The following NFRKB variants were observed in gnomAD, a reference collection of about 807,000 sequenced individuals.
NFRKB encodes nuclear factor related to kappaB binding protein.
A neutral mutation model predicts 135.7 loss-of-function variants in NFRKB; 62 were observed. The observed-to-expected ratio is 0.46, with a 90% CI of 0.37 to 0.56. The LOEUF is 0.56. Among genes scored for constraint, NFRKB ranks in the 20% least tolerant of loss-of-function variants. The probability of loss-of-function intolerance (pLI) is 0.00; values close to 1 mark genes in which losing one functional copy is unlikely to be tolerated. For synonymous variants in NFRKB, 678 were observed against 635.6 expected (o/e 1.07, Z -1.00); for missense variants, 1,545 against 1,662.0 (o/e 0.93, Z 1.22).
chr11:129,888,847 T>C, intron 3 of NFRKB, 52 bp from the exon 4 acceptor site: 1 of 1,372,974 alleles, frequency 7.3e-7, no homozygotes, highest in Non-Finnish European at 1.0e-6. Context: ...TTGAGTTTTT[T>C]GTATGTATGC....
In NFRKB at chr11:129,881,788, C is replaced by T. The variant is rs747574542; in HGVS notation, c.1257G>A (p.Ala419=). ...PASSLNSWFS[A]APNWAELVLP... ...GTACCAACTCAGCCCAGTTGGGGGCCGCAGAGAACCAGCTGTTGAGGGAGC... is the reference window on the plus strand; with the variant it reads ...GTACCAACTCAGCCCAGTTGGGGGCTGCAGAGAACCAGCTGTTGAGGGAGC... The change falls in exon 12 of 27, where the codon GCG becomes GCA. Residue 419 remains alanine (A), a synonymous_variant. Transcript: ENST00000682444. 4.8e-5 allele frequency: 78 copies of T among 1,613,818 alleles called. No individual in the cohort carries two copies. Among genetic ancestry groups the T allele is most frequent in the South Asian group, 3.6e-4 (33 of 91,028 alleles).
At position 129,864,420 on chromosome 11, in the gene NFRKB, T is replaced by TG. The variant is rs1948093750; in HGVS notation, c.*304dup. On this transcript the variant is annotated 3_prime_UTR_variant, in exon 27 of 27. Coordinates refer to ENST00000682444, the MANE Select transcript of NFRKB (RefSeq NM_001143835.2). ...CACTCTGCAACTGGTAAGCCTTCCC[T>TG]GGGGGTCTTACTCTCAGAACTCTGG... 1 of 327,626 alleles carries TG rather than the reference T, an allele frequency of 3.1e-6. No individual in the cohort carries two copies. Among genetic ancestry groups the TG allele is most frequent in the African/African-American group, 2.1e-5 (1 of 47,660 alleles). 20.3% of individuals were successfully genotyped at this position (327,626 alleles called of 1,614,324 possible). A position where few individuals can be genotyped will look rare whatever the true frequency, so the allele number is the denominator to read the frequency against.
chr11:129,874,865 G>T lies in NFRKB; in HGVS notation c.1906C>A (p.Pro636Thr). 1 of 1,614,142 alleles carries T rather than the reference G, an allele frequency of 6.2e-7. No homozygotes were observed. The highest frequency in any genetic ancestry group is 8.5e-7 in the Non-Finnish European group (1 of 1,180,030). The change falls in exon 19 of 27, where the codon CCC becomes ACC. Residue 636 changes from proline (P) to threonine (T), a missense_variant. Transcript: ENST00000682444. This position sits in a 1 kb window ranked among gnomAD's most constrained non-coding sequence, Gnocchi z 4.5. The part of the protein sequence containing the change: ...ALDRLHYEKD[P>T]CVKYDIGRKL... ...CGTCCAATGTCGTATTTCACACAGG[G>T]ATCTTTTTCGTAATGTAGCCGATCC...
rs754106084 is a variant in NFRKB, at chr11:129,886,363, T to C, written c.419A>G (p.Gln140Arg). The C allele has an allele frequency of 4.5e-5, 72 of 1,614,054 alleles. No homozygotes were observed. The highest frequency in any genetic ancestry group is 5.9e-5 in the Non-Finnish European group (70 of 1,180,044). The change falls in exon 5 of 27, where the codon CAG becomes CGG. Residue 140 changes from glutamine (Q) to arginine (R), a missense_variant. This residue lies in a region of NFRKB where 678 missense variants were observed against 646.7 expected (regional missense o/e 1.05). Transcript: ENST00000682444. The part of the protein sequence containing the change: ...SQYKRYLNSQ[Q>R]QYFHRLLKQI... Reference sequence around the variant, plus strand: ...CTTCAGCAGCCGATGGAAATACTGCTGCTGGGAGTTGAGGTAGCGCTTGTA... The same window carrying C: ...CTTCAGCAGCCGATGGAAATACTGCCGCTGGGAGTTGAGGTAGCGCTTGTA...
In NFRKB at chr11:129,874,685, CTACCATCTTGTCCTACCTA is replaced by C; in HGVS notation, c.1978+89_1979-106del. ...CTTGCCAGTGGACTGAATCCTGCCT[CTACCATCTTGTCCTACCTA>C]TATGCCAATGAAAAGAATAATGGAA... On this transcript the variant is annotated intron_variant, in intron 19 of 26. Coordinates refer to ENST00000682444, the MANE Select transcript of NFRKB (RefSeq NM_001143835.2). This position sits in a 1 kb window ranked among gnomAD's most constrained non-coding sequence, Gnocchi z 4.5. The C allele has an allele frequency of 6.2e-7, 1 of 1,603,538 alleles. No individual in the cohort carries two copies. The highest frequency in any genetic ancestry group is 8.5e-7 in the Non-Finnish European group (1 of 1,172,366).
At chr11:129,879,342 T>C (rs1404800222) in intron 13 of NFRKB, among the ~76,000 whole-genome samples, 2 of 152,140 alleles carry the variant, frequency 1.3e-5, no homozygotes, top group Non-Finnish European at 2.9e-5. Context: ...TATCTGGCCC[T>C]ACAAGAAACA....
intron 23 of NFRKB, chr11:129,872,591 T>C: frequency 4.1e-6 from 1 of 242,732 alleles, no homozygotes; most frequent in African/African-American, 2.2e-5. Flanking sequence ...CAATAAAATG[T>C]GGCCATGGGA....
intron 15 of NFRKB, among the ~76,000 whole-genome samples, chr11:129,877,610 T>C (rs1488454319): frequency 5.3e-5 from 8 of 152,220 alleles, no homozygotes; most frequent in African/African-American, 1.4e-4. Flanking sequence ...ACTGGGTGGA[T>C]AGATGGACAA....
intron 12 of NFRKB, 105 bp from the exon 13 acceptor site, chr11:129,881,613 G>A: frequency 6.3e-7 from 1 of 1,586,718 alleles, no homozygotes; most frequent in Non-Finnish European, 8.6e-7. Flanking sequence ...AACCTTCAAG[G>A]CATAGCATTA....
chr11:129,869,952 T>C lies in NFRKB; in HGVS notation c.3073A>G (p.Lys1025Glu), dbSNP rs545725302. 1 of 1,614,264 alleles carries C rather than the reference T, an allele frequency of 6.2e-7. No homozygotes were observed. The highest frequency in any genetic ancestry group is 8.5e-7 in the Non-Finnish European group (1 of 1,180,042). The part of the protein sequence containing the change: ...NPVHAADSPA[K>E]ASSASAPSST... ...GAAGGGGCACTGGCTGAACTGGCCT[T>C]GGCAGGGCTATCAGCTGCATGTACT... The change falls in exon 24 of 27, where the codon AAG becomes GAG. Residue 1025 changes from lysine to glutamate, a missense_variant. Physicochemically the swap from Lys to Glu is moderately conservative, Grantham distance 56. This residue lies in a region of NFRKB where 753 missense variants were observed against 804.3 expected (regional missense o/e 0.94). Coordinates refer to ENST00000682444, the MANE Select transcript of NFRKB (RefSeq NM_001143835.2).
In NFRKB at chr11:129,869,668, A is replaced by T; in HGVS notation, c.3357T>A (p.Ser1119Arg). 1 of 1,614,190 alleles carries T rather than the reference A, an allele frequency of 6.2e-7. No homozygotes were observed. Among genetic ancestry groups the T allele is most frequent in the Middle Eastern group, 1.6e-4 (1 of 6,062 alleles). ...THAKQGASVA[S>R]GSGTVHTSAV... ...CTGAAGTATGGACAGTTCCAGACCC[A>T]CTGGCCACCGAGGCCCCTTGCTTGG... Residue 1119 changes from serine to arginine, a missense_variant, in exon 24 of 27, where the codon AGT becomes AGA. Physicochemically the swap from Ser to Arg is moderately radical, Grantham distance 110 (BLOSUM62 -1). This residue lies in a region of NFRKB where 753 missense variants were observed against 804.3 expected (regional missense o/e 0.94). Coordinates refer to ENST00000682444, the MANE Select transcript of NFRKB (RefSeq NM_001143835.2).
chr11:129,873,145 A>C (rs1481051475), intron 22 of NFRKB, 49 bp from the exon 23 acceptor site: 1 of 1,472,450 alleles, frequency 6.8e-7, no homozygotes, highest in South Asian at 1.3e-5. Flanking sequence ...TAAGATGCAG[A>C]CCAGCACTCT....
intron 25 of NFRKB, among the ~76,000 whole-genome samples, 169 bp downstream of exon 25, chr11:129,865,708 A>C (rs1948156323): frequency 6.6e-6 from 1 of 152,192 alleles, no homozygotes; most frequent in Non-Finnish European, 1.5e-5. Flanking sequence ...CTGCACCTAA[A>C]ACAATACTGG....
rs767125375 is a variant in NFRKB, at chr11:129,874,129, C to G, written c.2263G>C (p.Ala755Pro). ...GGAACTTACCCCGAGCTAGACTTAG[C>G]TGGTTCTGAGACTGTGGAAGGGCCG... ...KSGPSTVSEP[A>P]KSSSGVLLVS... The change falls in exon 21 of 27, where the codon GCT (alanine) becomes CCT (proline). Residue 755 changes from alanine (A) to proline (P), a missense_variant. Around this residue, in one of 3 missense-constraint regions of NFRKB, gnomAD observed 753 missense variants for 804.3 expected, o/e 0.94. Coordinates refer to ENST00000682444, the MANE Select transcript of NFRKB (RefSeq NM_001143835.2). This position sits in a 1 kb window ranked among gnomAD's most constrained non-coding sequence, Gnocchi z 4.5. 1.6e-5 allele frequency: 24 copies of G among 1,540,340 alleles called. No individual in the cohort carries two copies. The Middle Eastern group carries it at 5.3e-4, about 34-fold the overall frequency.
In NFRKB at chr11:129,881,994, A is replaced by T; in HGVS notation, c.1191+92T>A. ...AAGTTAACTACAGAGCGTTGAGAGGAACTCAGAGTTCCACTTCTCAAGCTA... is the reference window on the plus strand; with the variant it reads ...AAGTTAACTACAGAGCGTTGAGAGGTACTCAGAGTTCCACTTCTCAAGCTA... On this transcript the variant is annotated intron_variant, in intron 11 of 26. Coordinates refer to ENST00000682444, the MANE Select transcript of NFRKB (RefSeq NM_001143835.2). The T allele has an allele frequency of 2.1e-6, 3 of 1,451,058 alleles. No individual in the cohort carries two copies. The South Asian group carries it at 4.1e-5, about 20-fold the overall frequency. 89.9% of individuals were successfully genotyped at this position (1,451,058 alleles called of 1,614,324 possible). A position where few individuals can be genotyped will look rare whatever the true frequency, so the allele number is the denominator to read the frequency against.
intron 4 of NFRKB, among the ~76,000 whole-genome samples, chr11:129,887,069 T>C (rs1949313833): frequency 6.6e-6 from 1 of 152,230 alleles, no homozygotes; most frequent in African/African-American, 2.4e-5. Context: ...TTTAACAGAA[T>C]TCCAGATGTG....
In NFRKB at chr11:129,882,510, T is replaced by C; in HGVS notation, c.1023A>G (p.Glu341=). The change falls in exon 10 of 27, where the codon GAA becomes GAG. Residue 341 remains glutamate, a synonymous_variant. Transcript: ENST00000682444. ...GGGCCTGTGAGAGAGGTGCGACCCC[T>C]TCAGTACTGCTTAGCGGCTCGGCCA... ...EDLAEPLSST[E]GVAPLSQAPS... is the part of the protein sequence containing the mutation. 6.2e-7 allele frequency: 1 copy of C among 1,614,078 alleles called. No individual in the cohort carries two copies. Among genetic ancestry groups the C allele is most frequent in the Non-Finnish European group, 8.5e-7 (1 of 1,179,948 alleles).
At position 129,864,839 on chromosome 11, in the gene NFRKB, C is replaced by G. The variant is rs1948112773; in HGVS notation, c.3786G>C (p.Gln1262His). ...QQGQATQVRI[Q>H]TVPASHLQQG... ...GTTGGAGATGGGATGCAGGGACAGTCTGGATGCGCACCTGTTTGCAAAGAC... is the reference window on the plus strand; with the variant it reads ...GTTGGAGATGGGATGCAGGGACAGTGTGGATGCGCACCTGTTTGCAAAGAC... Residue 1262 changes from glutamine (Q) to histidine (H), a missense_variant, in exon 27 of 27, where the codon CAG (glutamine) becomes CAC (histidine). Gln to His is a conservative substitution (Grantham distance 24). Transcript: ENST00000682444. 1.2e-6 allele frequency: 2 copies of G among 1,614,224 alleles called. No individual in the cohort carries two copies. The highest frequency in any genetic ancestry group is 1.7e-5 in the Admixed American group (1 of 60,024).
At chr11:129,870,331 A>G in intron 23 of NFRKB, 70 bp from the exon 24 acceptor site, 1 of 1,506,412 alleles carries the variant, frequency 6.6e-7, no homozygotes, top group South Asian at 1.3e-5. Context: ...CAACTAGACA[A>G]ACTTCCGTTT....
Sources: gnomAD v4.1 joint callset for allele counts (sites outside exome capture counted in the v4.1 genomes callset) on GRCh38, gnomAD v4.1.1 for gene constraint, gnomAD v4.1.1 regional missense constraint, Gnocchi (gnomAD v3.1) non-coding constraint, MANE v1.5 for transcripts, NCBI Gene and HGNC (gene_info 2026-07-23, HGNC 2026-07-21) for gene names.